SLIT2: variants seen among roughly 807,000 people sequenced by gnomAD.
The protein encoded by SLIT2 is slit homolog 2 protein.
Under a neutral mutation model 185.7 loss-of-function variants are expected in SLIT2, and 41 were observed. The ratio of observed to expected loss-of-function variants is 0.22; its 90% CI spans 0.17 to 0.29. The LOEUF is 0.29. SLIT2 is among the 10% of genes least tolerant of loss of function. The probability of loss-of-function intolerance (pLI) is 1.00; values close to 1 mark genes in which losing one functional copy is unlikely to be tolerated. For synonymous variants in SLIT2, 693 were observed against 680.2 expected, an observed-to-expected ratio of 1.02 and a Z score of -0.29; for missense variants, 1,571 against 1,909.0, an observed-to-expected ratio of 0.82 and a Z score of 3.30.
At chr4:20,522,033 C>T (rs1720885514) in intron 12 of SLIT2, among the ~76,000 whole-genome samples, 1 of 151,984 alleles carries the variant, frequency 6.6e-6, no homozygotes, top group Non-Finnish European at 1.5e-5. Flanking sequence ...ACAGTTTCTC[C>T]CTCTTAAGGC....
intron 4 of SLIT2, among the ~76,000 whole-genome samples, chr4:20,391,179 G>T (rs759124025): frequency 1.3e-5 from 2 of 152,012 alleles, no homozygotes; most frequent in Non-Finnish European, 2.9e-5. Flanking sequence ...TACAGAACTT[G>T]TTGCAGAATA....
At position 20,488,888 on chromosome 4, in the gene SLIT2, G is replaced by T; in HGVS notation, c.681G>T (p.Arg227Ser). 2 of 1,612,722 alleles carry T rather than the reference G, an allele frequency of 1.2e-6. No homozygotes were observed. Among genetic ancestry groups the T allele is most frequent in the Non-Finnish European group, 1.7e-6 (2 of 1,178,908 alleles). Residue 227 changes from arginine (R) to serine (S), a missense_variant, in exon 8 of 37, where the codon AGG becomes AGT. Around this residue, in one of 3 missense-constraint regions of SLIT2, gnomAD observed 1,202 missense variants for 1,416.4 expected, o/e 0.85. Coordinates refer to ENST00000504154, the MANE Select transcript of SLIT2 (RefSeq NM_004787.4). ...GGCTCTCCGACTGGCTTCGCCAAAG[G>T]CCTCGGGTTGGTCTGTACACTCAGT... ...LAWLSDWLRQRPRVGLYTQCM... is the reference protein window; with the variant it reads ...LAWLSDWLRQSPRVGLYTQCM...
At chr4:20,469,975 G>T (rs980702562) in intron 5 of SLIT2, among the ~76,000 whole-genome samples, 1 of 151,778 alleles carries the variant, frequency 6.6e-6, no homozygotes, top group Admixed American at 6.6e-5. Flanking sequence ...GGCTGGTCTC[G>T]AACTCCTGAC....
At chr4:20,289,168 T>A (rs1478718678) in intron 4 of SLIT2, among the ~76,000 whole-genome samples, 1 of 152,196 alleles carries the variant, frequency 6.6e-6, no homozygotes, top group Non-Finnish European at 1.5e-5. Context: ...AATTTTAATA[T>A]TTCATCTGAT....
chr4:20,407,728 G>T (rs2109418030), intron 4 of SLIT2, among the ~76,000 whole-genome samples: 1 of 152,282 alleles, frequency 6.6e-6, no homozygotes, highest in South Asian at 2.1e-4. Flanking sequence ...AGTGATTTCA[G>T]CAAAATATGA....
intron 9 of SLIT2, among the ~76,000 whole-genome samples, chr4:20,502,231 A>G (rs771669119): frequency 6.6e-6 from 1 of 152,250 alleles, no homozygotes; most frequent in Admixed American, 6.5e-5. Flanking sequence ...GGAGAAAAAG[A>G]AATATTAAAA....
At chr4:20,288,554 A>G (rs1715500373) in intron 4 of SLIT2, among the ~76,000 whole-genome samples, 3 of 152,220 alleles carry the variant, frequency 2.0e-5, no homozygotes, top group African/African-American at 7.2e-5. Flanking sequence ...GGGGATGCCT[A>G]TGGATAAAGC....
At chr4:20,401,113 C>T (rs1272416240) in intron 4 of SLIT2, among the ~76,000 whole-genome samples, 1 of 151,802 alleles carries the variant, frequency 6.6e-6, no homozygotes, top group African/African-American at 2.4e-5. Context: ...TATTCTCATC[C>T]ATCATCTTCT....
chr4:20,345,855 A>G (rs1275027312), intron 4 of SLIT2, among the ~76,000 whole-genome samples: 1 of 151,226 alleles, frequency 6.6e-6, no homozygotes, highest in Non-Finnish European at 1.5e-5. Flanking sequence ...TTTCTATGTG[A>G]CTCTTCTTGA....
intron 18 of SLIT2, among the ~76,000 whole-genome samples, chr4:20,537,783 G>A (rs1722429587): frequency 2.0e-5 from 3 of 152,080 alleles, no homozygotes; most frequent in African/African-American, 7.2e-5. Flanking sequence ...AAGATTTTGA[G>A]AGCACATTTC....
chr4:20,537,710 T>G (rs1722421800), intron 18 of SLIT2, among the ~76,000 whole-genome samples: 1 of 152,168 alleles, frequency 6.6e-6, no homozygotes, highest in Non-Finnish European at 1.5e-5. Context: ...CTCAGGGTAG[T>G]TAATCCTAGA....
chr4:20,479,288 G>A (rs1358233000), intron 5 of SLIT2, among the ~76,000 whole-genome samples: 2 of 152,280 alleles, frequency 1.3e-5, no homozygotes, highest in Admixed American at 1.3e-4. Flanking sequence ...CCATCTGAAA[G>A]TCACTGGATT....
At chr4:20,353,733 C>T (rs999138278) in intron 4 of SLIT2, among the ~76,000 whole-genome samples, 2 of 152,092 alleles carry the variant, frequency 1.3e-5, no homozygotes, top group Non-Finnish European at 2.9e-5. Flanking sequence ...TCCTATTTCC[C>T]ACTCTTTTTT....
intron 25 of SLIT2, among the ~76,000 whole-genome samples, chr4:20,551,527 G>A (rs1723754538): frequency 1.3e-5 from 2 of 152,036 alleles, no homozygotes; most frequent in African/African-American, 4.8e-5. Context: ...AACTCATTTG[G>A]GTCAAATTCC....
rs147480210 is a variant in SLIT2, at chr4:20,559,282, T to C, written c.2725+5314T>C. The stretch of plus-strand genomic sequence containing the variant: ...CACGTATTTCAAAGTATACCTTAAA[T>C]AGCAAACAGCATGCGTGTAAGCCAG... On this transcript the variant is annotated intron_variant, in intron 26 of 36. Transcript: ENST00000504154. Among the ~76,000 whole-genome samples the C allele has an allele frequency of 4.0e-3, 616 of 152,110 alleles. 1 individual carries two copies. The highest frequency in any genetic ancestry group is 6.4e-3 in the Non-Finnish European group (434 of 67,994).
At chr4:20,506,719 A>G (rs1480700288) in intron 9 of SLIT2, among the ~76,000 whole-genome samples, 1 of 152,016 alleles carries the variant, frequency 6.6e-6, no homozygotes, top group East Asian at 1.9e-4. Flanking sequence ...ATAAGTACAC[A>G]TTAGTTTATT....
At chr4:20,436,797 C>T (rs1729370306) in intron 4 of SLIT2, among the ~76,000 whole-genome samples, 1 of 152,090 alleles carries the variant, frequency 6.6e-6, no homozygotes, top group African/African-American at 2.4e-5. Context: ...ACTGTCTGGC[C>T]CTTTTCAGAA....
intron 29 of SLIT2, among the ~76,000 whole-genome samples, chr4:20,575,040 A>C (rs1342466630): frequency 1.3e-5 from 2 of 152,140 alleles, no homozygotes; most frequent in East Asian, 3.9e-4. Flanking sequence ...TTCTCTTTAC[A>C]AGTACTAAGC....
chr4:20,325,320 G>A (rs1719474300), intron 4 of SLIT2, among the ~76,000 whole-genome samples: 1 of 148,142 alleles, frequency 6.8e-6, no homozygotes, highest in South Asian at 2.2e-4. Flanking sequence ...GCTTTAGTTT[G>A]GTGACCAACT....
Sources: allele counts gnomAD v4.1 joint callset (sites outside exome capture counted in the v4.1 genomes callset), GRCh38; gene constraint gnomAD v4.1.1; regional missense constraint gnomAD v4.1.1; transcripts MANE v1.5; gene names NCBI Gene and HGNC (gene_info 2026-07-23, HGNC 2026-07-21).